Variants in MBD5 observed in about 807,000 individuals in gnomAD.
MBD5 encodes the protein methyl-CpG-binding domain protein 5.
In MBD5, 13 loss-of-function variants were observed where a neutral mutation model predicts 117.3. The observed-to-expected ratio is 0.11, with a 90% CI of 0.07 to 0.18. The LOEUF (loss-of-function observed/expected upper bound fraction) is 0.18, where lower values mean the gene tolerates loss of function less well. Ranked by LOEUF, MBD5 falls within the 10% of genes least tolerant of loss-of-function variation. The pLI, the probability that MBD5 is intolerant of heterozygous loss-of-function variation, is 1.00. For synonymous variants in MBD5, 727 were observed against 766.4 expected, an observed-to-expected ratio of 0.95 and a Z score of 0.85; for missense variants, 1,879 against 2,093.8, an observed-to-expected ratio of 0.90 and a Z score of 2.00.
At chr2:148,483,014 T>C in intron 8 of MBD5, 96 bp from the exon 9 acceptor site, 2 of 1,403,578 alleles carry the variant, frequency 1.4e-6, no homozygotes, top group Non-Finnish European at 2.0e-6. Context: ...ATGGAACAAA[T>C]AAATTTAAAT....
intron 1 of MBD5, among the ~76,000 whole-genome samples, chr2:148,050,129 T>A (rs1694653734): frequency 6.6e-6 from 1 of 152,162 alleles, no homozygotes. Flanking sequence ...ACCAAACTGT[T>A]TTTCAAAGTA....
intron 2 of MBD5, among the ~76,000 whole-genome samples, chr2:148,184,045 CT>C (rs1431503649): frequency 6.8e-6 from 1 of 147,476 alleles, no homozygotes; most frequent in Non-Finnish European, 1.5e-5. Context: ...TTTTTGAGAC[CT>C]TCTGACTCTG....
intron 2 of MBD5, among the ~76,000 whole-genome samples, chr2:148,224,368 G>C (rs1376415885): frequency 1.3e-5 from 2 of 151,932 alleles, no homozygotes; most frequent in African/African-American, 4.8e-5. Flanking sequence ...TTTTGAGATG[G>C]AGTCTCGCTC....
chr2:148,203,597 G>C (rs1699198584), intron 2 of MBD5, among the ~76,000 whole-genome samples: 1 of 152,146 alleles, frequency 6.6e-6, no homozygotes, highest in Non-Finnish European at 1.5e-5. Context: ...GTCAAGGAAA[G>C]GGTGGGTTCA....
intron 3 of MBD5, among the ~76,000 whole-genome samples, chr2:148,310,666 A>C (rs1702007129): frequency 6.6e-6 from 1 of 151,596 alleles, no homozygotes; most frequent in Non-Finnish European, 1.5e-5. Context: ...CTCTGATCTT[A>C]GTTATTTCTT....
intron 12 of MBD5, among the ~76,000 whole-genome samples, chr2:148,502,711 A>C (rs1386148092): frequency 6.6e-6 from 1 of 152,168 alleles, no homozygotes; most frequent in Admixed American, 6.5e-5. Flanking sequence ...TGTTTACACT[A>C]TGTGTAATAT....
intron 3 of MBD5, among the ~76,000 whole-genome samples, chr2:148,340,851 C>CAG (rs1702927720): frequency 6.7e-6 from 1 of 149,598 alleles, no homozygotes; most frequent in South Asian, 2.1e-4. Context: ...CACACACACA[C>CAG]ACACACACAC....
chr2:148,096,540 A>G (rs1001953645), intron 1 of MBD5, among the ~76,000 whole-genome samples: 1 of 152,198 alleles, frequency 6.6e-6, no homozygotes, highest in East Asian at 1.9e-4. Context: ...GAAGTGGCCA[A>G]CACTTGAACC....
chr2:148,135,621 A>G (rs1365428145), intron 1 of MBD5, among the ~76,000 whole-genome samples: 2 of 152,048 alleles, frequency 1.3e-5, no homozygotes, highest in Non-Finnish European at 2.9e-5. Flanking sequence ...GTACCCTTGA[A>G]TACATTATTA....
At chr2:148,403,354 A>G (rs1242317056) in intron 4 of MBD5, among the ~76,000 whole-genome samples, 11 of 151,918 alleles carry the variant, frequency 7.2e-5, no homozygotes, top group Admixed American at 6.6e-5. Context: ...TAATTTTTGT[A>G]CTTTTAGTAG....
chr2:148,483,694 C>T lies in MBD5; in HGVS notation c.3103C>T (p.His1035Tyr), dbSNP rs1248431735. The stretch of plus-strand genomic sequence containing the variant: ...AACACAGATGACAGCCCCACCAGAC[C>T]ATTTGCCAAGCAATCAGTCAGACAA... Reference protein sequence around the residue: ...SLTQMTAPPDHLPSNQSDNSR... With the variant: ...SLTQMTAPPDYLPSNQSDNSR... Residue 1035 changes from histidine (H) to tyrosine (Y), a missense_variant, in exon 9 of 14, where the codon CAT (histidine) becomes TAT (tyrosine). This residue lies in a region of MBD5 where 1,666 missense variants were observed against 1,792.2 expected (regional missense o/e 0.93). Coordinates refer to ENST00000642680, the MANE Select transcript of MBD5 (RefSeq NM_001378120.1). 1 of 1,550,678 alleles carries T rather than the reference C, an allele frequency of 6.4e-7. No homozygotes were observed.
intron 1 of MBD5, among the ~76,000 whole-genome samples, chr2:148,124,019 C>T (rs115723989): frequency 1.3e-5 from 2 of 152,120 alleles, no homozygotes; most frequent in African/African-American, 2.4e-5. Context: ...GTGGCTCATA[C>T]GTGTAATACA....
intron 3 of MBD5, among the ~76,000 whole-genome samples, chr2:148,292,151 C>G (rs1448837736): frequency 6.6e-6 from 1 of 152,136 alleles, no homozygotes; most frequent in African/African-American, 2.4e-5. Context: ...AGATATTGAT[C>G]TGGGCAAATA....
intron 7 of MBD5, among the ~76,000 whole-genome samples, chr2:148,466,742 A>G (rs529998975): frequency 3.9e-4 from 59 of 152,166 alleles, no homozygotes; most frequent in Non-Finnish European, 7.1e-4. Flanking sequence ...TTCATATATT[A>G]TATCCAGAAA....
At chr2:148,294,512 T>TTTGTTTTTTTTTTTTG (rs1559009573) in intron 3 of MBD5, among the ~76,000 whole-genome samples, 1 of 141,270 alleles carries the variant, frequency 7.1e-6, no homozygotes, top group Non-Finnish European at 1.5e-5. Context: ...TTTTTTTTTT[T>TTTGTTTTTTTTTTTTG]TTTTTTTTTG....
chr2:148,198,876 G>T (rs936188998), intron 2 of MBD5, among the ~76,000 whole-genome samples: 1 of 151,868 alleles, frequency 6.6e-6, no homozygotes, highest in Non-Finnish European at 1.5e-5. Flanking sequence ...CTAAGAGGAG[G>T]ATTGTATTGT....
chr2:148,311,222 ATCTG>A (rs1294141007), intron 3 of MBD5, among the ~76,000 whole-genome samples: 1 of 152,164 alleles, frequency 6.6e-6, no homozygotes, highest in African/African-American at 2.4e-5. Context: ...TGTCTAGCTG[ATCTG>A]TCTAATATTG....
At chr2:148,104,442 T>C (rs1315029174) in intron 1 of MBD5, among the ~76,000 whole-genome samples, 2 of 152,194 alleles carry the variant, frequency 1.3e-5, no homozygotes, top group Non-Finnish European at 2.9e-5. Flanking sequence ...TTATGCTTAT[T>C]TGTCCCAACC....
chr2:148,051,733 G>GGT (rs1694710264), intron 1 of MBD5, among the ~76,000 whole-genome samples: 1 of 151,294 alleles, frequency 6.6e-6, no homozygotes, highest in African/African-American at 2.4e-5. Context: ...TCACAATTAT[G>GGT]ATATAATAAT....
Sources: gnomAD v4.1 joint callset for allele counts (sites outside exome capture counted in the v4.1 genomes callset) on GRCh38, gnomAD v4.1.1 for gene constraint, gnomAD v4.1.1 regional missense constraint, MANE v1.5 for transcripts, NCBI Gene and HGNC (gene_info 2026-07-23, HGNC 2026-07-21) for gene names.